Variants in CCDC73 observed in about 807,000 individuals in gnomAD.
CCDC73 encodes the protein coiled-coil domain-containing protein 73.
In CCDC73, 95 loss-of-function variants were observed where a neutral mutation model predicts 116.5. That is an observed-to-expected ratio of 0.82 (90% CI 0.69 to 0.97). The LOEUF (loss-of-function observed/expected upper bound fraction) is 0.97, where lower values mean the gene tolerates loss of function less well. Ranked by LOEUF, CCDC73 falls within the 50% of genes least tolerant of loss-of-function variation. The pLI, the probability that CCDC73 is intolerant of heterozygous loss-of-function variation, is 0.00. For synonymous variants in CCDC73, 398 were observed against 401.3 expected, an observed-to-expected ratio of 0.99 and a Z score of 0.10; for missense variants, 1,066 against 1,206.8, an observed-to-expected ratio of 0.88 and a Z score of 1.73.
intron 6 of CCDC73, among the ~76,000 whole-genome samples, chr11:32,691,537 C>G (rs916645708): frequency 6.6e-6 from 1 of 152,056 alleles, no homozygotes; most frequent in African/African-American, 2.4e-5. Context: ...AGATCTTTGG[C>G]CCATTTTAAA....
At chr11:32,702,362 AT>A (rs934419703) in intron 4 of CCDC73, among the ~76,000 whole-genome samples, 1 of 151,966 alleles carries the variant, frequency 6.6e-6, no homozygotes, top group Non-Finnish European at 1.5e-5. Context: ...GATTCATTTG[AT>A]TTTTTTTCTC....
At chr11:32,828,976 A>G in the CCDC73 span, among the ~76,000 whole-genome samples, 1 of 152,204 alleles carries the variant, frequency 6.6e-6, no homozygotes, top group Non-Finnish European at 1.5e-5. Context: ...AGAACTAATC[A>G]AAGTACAAAA....
chr11:32,814,864 C>T, the CCDC73 span, among the ~76,000 whole-genome samples: 2 of 151,998 alleles, frequency 1.3e-5, no homozygotes, highest in African/African-American at 4.8e-5. Flanking sequence ...AATGAAGTAC[C>T]GATGCATGCT....
At chr11:32,765,520 C>T (rs1029264328) in intron 1 of CCDC73, among the ~76,000 whole-genome samples, 1 of 152,120 alleles carries the variant, frequency 6.6e-6, no homozygotes, top group African/African-American at 2.4e-5. Flanking sequence ...ACTACTGGGT[C>T]TATAACAAAA....
intron 12 of CCDC73, among the ~76,000 whole-genome samples, chr11:32,652,883 T>C (rs1212221736): frequency 6.6e-6 from 1 of 152,210 alleles, no homozygotes; most frequent in African/African-American, 2.4e-5. Context: ...TTTTTCATTT[T>C]GCAAAATTAA....
intron 12 of CCDC73, 122 bp from the exon 13 acceptor site, chr11:32,642,204 G>A (rs1590563545): frequency 1.8e-6 from 2 of 1,101,118 alleles, no homozygotes; most frequent in Non-Finnish European, 2.3e-6. Flanking sequence ...CAGTGATAAT[G>A]TGCTATCTCA....
chr11:32,730,064 AT>A (rs533026034), intron 2 of CCDC73, among the ~76,000 whole-genome samples: 7 of 152,262 alleles, frequency 4.6e-5, no homozygotes, highest in African/African-American at 1.7e-4. Context: ...AGTTTGTTGC[AT>A]TTTCATAGTA....
chr11:32,676,266 T>C (rs1470263483), intron 7 of CCDC73, among the ~76,000 whole-genome samples: 2 of 152,206 alleles, frequency 1.3e-5, no homozygotes, highest in Non-Finnish European at 2.9e-5. Context: ...TCAGGTTATG[T>C]TTCCCTTGTT....
chr11:32,693,963 G>C (rs1463539731), intron 6 of CCDC73, among the ~76,000 whole-genome samples: 1 of 152,208 alleles, frequency 6.6e-6, no homozygotes, highest in Non-Finnish European at 1.5e-5. Context: ...ATATCATACT[G>C]AATGGGCAAA....
chr11:32,781,941 T>A lies in CCDC73; in HGVS notation c.-16+12672A>T, dbSNP rs12276553. 6.6e-5 allele frequency among the ~76,000 whole-genome samples: 10 copies of A among 152,240 alleles called. No individual in the cohort carries two copies. The South Asian group carries it at 2.1e-3, about 32-fold the overall frequency. ...AGGTGAGCGATGGCACGAGAGCAAG[T>A]GAAGCTTCATCTGTATTTACAGCCA... On this transcript the variant is annotated intron_variant, in intron 1 of 17. Coordinates refer to ENST00000335185, the MANE Select transcript of CCDC73 (RefSeq NM_001008391.4).
chr11:32,658,922 T>C (rs1478675998), intron 9 of CCDC73, among the ~76,000 whole-genome samples: 1 of 151,542 alleles, frequency 6.6e-6, no homozygotes, highest in African/African-American at 2.4e-5. Flanking sequence ...AACACAAAAA[T>C]GGAAAGGAAA....
intron 13 of CCDC73, among the ~76,000 whole-genome samples, chr11:32,638,450 T>C (rs1388749444): frequency 6.6e-6 from 1 of 152,188 alleles, no homozygotes; most frequent in Non-Finnish European, 1.5e-5. Context: ...AAATGGACTT[T>C]CATGCCTCCA....
chr11:32,703,675 T>C (rs114305199), intron 3 of CCDC73, among the ~76,000 whole-genome samples: 1 of 152,150 alleles, frequency 6.6e-6, no homozygotes, highest in Non-Finnish European at 1.5e-5. Flanking sequence ...CCTGGCAACA[T>C]ATACACCTTT....
chr11:32,748,687 T>A (rs1394016009), intron 2 of CCDC73, among the ~76,000 whole-genome samples: 2 of 152,214 alleles, frequency 1.3e-5, no homozygotes, highest in Non-Finnish European at 2.9e-5. Flanking sequence ...CTGATTAACA[T>A]CCTTTTCTTT....
intron 12 of CCDC73, among the ~76,000 whole-genome samples, chr11:32,648,163 T>C (rs141077596): frequency 5.3e-5 from 8 of 152,366 alleles, no homozygotes; most frequent in African/African-American, 1.9e-4. Flanking sequence ...AGCTGCATAC[T>C]GTACTTCTAG....
the CCDC73 span, among the ~76,000 whole-genome samples, chr11:32,821,847 A>G: frequency 1.3e-5 from 2 of 152,260 alleles, no homozygotes; most frequent in African/African-American, 4.8e-5. Flanking sequence ...TTGTCAATGC[A>G]TTAAACAAAG....
intron 1 of CCDC73, 61 bp downstream of exon 1, chr11:32,794,552 G>A (rs940904194): frequency 5.3e-5 from 8 of 152,286 alleles, no homozygotes; most frequent in African/African-American, 1.9e-4. Context: ...GACCCTGCAT[G>A]AAAAGATTAG....
At chr11:32,644,709 G>A (rs550854648) in intron 12 of CCDC73, among the ~76,000 whole-genome samples, 1 of 152,170 alleles carries the variant, frequency 6.6e-6, no homozygotes, top group East Asian at 1.9e-4. Context: ...AAGATATAGA[G>A]AACAGTTTTA....
At chr11:32,626,756 A>G (rs1211062718) in intron 14 of CCDC73, among the ~76,000 whole-genome samples, 2 of 152,230 alleles carry the variant, frequency 1.3e-5, no homozygotes, top group African/African-American at 2.4e-5. Flanking sequence ...GGTGCTGGGA[A>G]AACTGGCTAG....
Sources: allele counts gnomAD v4.1 joint callset (sites outside exome capture counted in the v4.1 genomes callset), GRCh38; gene constraint gnomAD v4.1.1; transcripts MANE v1.5; gene names NCBI Gene and HGNC (gene_info 2026-07-23, HGNC 2026-07-21).